The following TRAP1 variants were observed in gnomAD, a reference collection of about 807,000 sequenced individuals.
TRAP1 encodes the protein TNF receptor associated protein 1.
Under a neutral mutation model 89.1 loss-of-function variants are expected in TRAP1, and 102 were observed. The ratio of observed to expected loss-of-function variants is 1.15; its 90% CI spans 0.98 to 1.35. The LOEUF (loss-of-function observed/expected upper bound fraction) is 1.35. Ranked by LOEUF, TRAP1 falls within the 40% of genes most tolerant of loss-of-function variation. The pLI, the probability that TRAP1 is intolerant of heterozygous loss-of-function variation, is 0.00. For synonymous variants in TRAP1, 508 were observed against 388.0 expected (o/e 1.31, Z -3.64); for missense variants, 1,256 against 945.3 (o/e 1.33, Z -4.31).
chr16:3,713,645 G>C (rs2051560850), intron 1 of TRAP1, among the ~76,000 whole-genome samples: 1 of 152,188 alleles, frequency 6.6e-6, no homozygotes, highest in South Asian at 2.1e-4. Flanking sequence ...CGGCACCCTT[G>C]GTGATTGTGG....
At chr16:3,688,065 C>G (rs949475930) in intron 3 of TRAP1, among the ~76,000 whole-genome samples, 1 of 152,270 alleles carries the variant, frequency 6.6e-6, no homozygotes, top group African/African-American at 2.4e-5. Flanking sequence ...GCTTTACAAA[C>G]TTTCTTCAGG....
At chr16:3,696,286 CGA>C (rs1169059408) in intron 1 of TRAP1, among the ~76,000 whole-genome samples, 2 of 152,100 alleles carry the variant, frequency 1.3e-5, no homozygotes, top group Non-Finnish European at 2.9e-5. Flanking sequence ...TGCAGAAGGA[CGA>C]GAAAGGACGG....
chr16:3,688,930 C>T, intron 3 of TRAP1, 125 bp downstream of exon 3: 1 of 809,224 alleles, frequency 1.2e-6, no homozygotes. Flanking sequence ...AAGATGAGGA[C>T]CTGTCCAAAG....
At chr16:3,691,999 C>A (rs2051220888) in intron 1 of TRAP1, among the ~76,000 whole-genome samples, 2 of 152,158 alleles carry the variant, frequency 1.3e-5, no homozygotes, top group African/African-American at 4.8e-5. Flanking sequence ...CACTCCAACA[C>A]AGGACTGGAC....
chr16:3,694,429 T>C (rs532004950), intron 1 of TRAP1, among the ~76,000 whole-genome samples: 197 of 152,182 alleles, frequency 1.3e-3, no homozygotes, highest in Non-Finnish European at 1.7e-3. Context: ...CTGCAACCTC[T>C]GCCTCCTGGG....
In TRAP1 at chr16:3,679,677, C is replaced by G. The variant is rs113653302; in HGVS notation, c.543+42G>C. On this transcript the variant is annotated intron_variant, in intron 5 of 17. Transcript: ENST00000246957. ...ACCCCTACTGGAGGGATCCTTGCAC[C>G]CTGAGGGGAAGGGGGAGGCTGTGTG... The G allele has an allele frequency of 1.6e-4, 262 of 1,609,898 alleles. 1 individual carries two copies. The African/African-American group carries it at 2.0e-3, about 13-fold the overall frequency.
intron 1 of TRAP1, among the ~76,000 whole-genome samples, chr16:3,706,965 C>T (rs908293214): frequency 2.0e-5 from 3 of 151,986 alleles, no homozygotes; most frequent in South Asian, 2.1e-4. Flanking sequence ...CTGCAGAGGT[C>T]GCACCGTTTT....
chr16:3,717,493 G>A lies in TRAP1; in HGVS notation c.16C>T (p.Arg6Trp), dbSNP rs1321452580. The A allele has an allele frequency of 6.7e-6, 9 of 1,344,530 alleles. No individual in the cohort carries two copies. In the East Asian group the frequency reaches 1.3e-4, roughly 20 times the overall value. 83.3% of individuals were successfully genotyped at this position (1,344,530 alleles called of 1,614,324 possible). MAREL[R>W]ALLLWGRRLR... ...CGGCGGCCCCACAGCAGCAGCGCCC[G>A]CAGCTCGCGCGCCATGTCGTACTCC... is the stretch of plus-strand genomic sequence containing the variant. The change falls in exon 1 of 18, where the codon CGG (arginine) becomes TGG (tryptophan). Residue 6 changes from arginine to tryptophan, a missense_variant. Arg to Trp is a moderately radical substitution (Grantham distance 101). Coordinates refer to ENST00000246957, the MANE Select transcript of TRAP1 (RefSeq NM_016292.3).
Position 3,676,165 on chromosome 16 carries a change from G to T in TRAP1, c.705-20C>A. The T allele has an allele frequency of 6.2e-7, 1 of 1,608,898 alleles. No homozygotes were observed. On this transcript the variant is annotated intron_variant, in intron 6 of 17. Coordinates refer to ENST00000246957, the MANE Select transcript of TRAP1 (RefSeq NM_016292.3). ...CCAGAACTAAGGCAGGCAAAGAAAG[G>T]AAAAGCCAGGTGGATGTGACACTGG... is the stretch of plus-strand genomic sequence containing the variant.
chr16:3,671,765 G>A lies in TRAP1; in HGVS notation c.1192C>T (p.Leu398=). The change falls in exon 11 of 18, where the codon CTG becomes TTG. Residue 398 remains leucine, a synonymous_variant. Coordinates refer to ENST00000246957, the MANE Select transcript of TRAP1 (RefSeq NM_016292.3). ...TGCAGCAGCTCCCGGCTGAGGTTCA[G>A]GGGAATGTCCTCACTGTCCACCACA... The part of the protein sequence containing the change: ...RGVVDSEDIP[L]NLSRELLQES... The A allele has an allele frequency of 6.2e-7, 1 of 1,613,216 alleles. No individual in the cohort carries two copies. Among genetic ancestry groups the A allele is most frequent in the South Asian group, 1.1e-5 (1 of 91,088 alleles).
intron 11 of TRAP1, 82 bp downstream of exon 11, chr16:3,671,638 CCA>C: frequency 6.8e-7 from 1 of 1,469,878 alleles, no homozygotes; most frequent in Non-Finnish European, 9.3e-7. Flanking sequence ...GCTCCATGGG[CCA>C]CGGCTAGGGC....
At chr16:3,695,249 T>G (rs1031832819) in intron 1 of TRAP1, among the ~76,000 whole-genome samples, 1 of 152,018 alleles carries the variant, frequency 6.6e-6, no homozygotes, top group Non-Finnish European at 1.5e-5. Flanking sequence ...AACCAGCATA[T>G]GTACAGAGAA....
intron 11 of TRAP1, among the ~76,000 whole-genome samples, chr16:3,669,336 C>T (rs957437958): frequency 6.6e-6 from 1 of 152,170 alleles, no homozygotes; most frequent in African/African-American, 2.4e-5. Flanking sequence ...AACTGCTGCC[C>T]TGTGGTCATG....
At chr16:3,713,611 C>G (rs967982983) in intron 1 of TRAP1, among the ~76,000 whole-genome samples, 1 of 152,256 alleles carries the variant, frequency 6.6e-6, no homozygotes, top group Non-Finnish European at 1.5e-5. Flanking sequence ...ACAAGAGCAT[C>G]TGGCATGACC....
intron 3 of TRAP1, among the ~76,000 whole-genome samples, chr16:3,686,694 G>C (rs2051143071): frequency 1.3e-5 from 2 of 152,160 alleles, no homozygotes; most frequent in South Asian, 4.1e-4. Context: ...CCTCTGGCTG[G>C]GGTTGGGGGC....
chr16:3,670,861 A>G (rs1369742869), intron 11 of TRAP1, among the ~76,000 whole-genome samples: 1 of 151,974 alleles, frequency 6.6e-6, no homozygotes, highest in African/African-American at 2.4e-5. Context: ...CACACTGCCC[A>G]CCATCTCCCC....
At chr16:3,663,587 A>C in intron 13 of TRAP1, 25 bp from the exon 14 acceptor site, 1 of 1,612,770 alleles carries the variant, frequency 6.2e-7, no homozygotes, top group Non-Finnish European at 8.5e-7. Context: ...GAGCAGCTCC[A>C]TCAGACCCCG....
At position 3,674,465 on chromosome 16, in the gene TRAP1, G is replaced by T; in HGVS notation, c.918C>A (p.Val306=). 1 of 1,614,024 alleles carries T rather than the reference G, an allele frequency of 6.2e-7. No homozygotes were observed. The highest frequency in any genetic ancestry group is 8.5e-7 in the Non-Finnish European group (1 of 1,180,016). The change falls in exon 9 of 18, where the codon GTC becomes GTA. Residue 306 remains valine, a synonymous_variant. Transcript: ENST00000246957. ...QAIWMMDPKD[V]REWQHEEFYR... ...AGAACTCCTCATGTTGCCACTCACG[G>T]ACATCCTTGGGGTCCATCATCCAGA...
chr16:3,681,031 C>A (rs1783244343), intron 4 of TRAP1, among the ~76,000 whole-genome samples: 1 of 152,170 alleles, frequency 6.6e-6, no homozygotes, highest in Non-Finnish European at 1.5e-5. Flanking sequence ...CAAGGCCTTA[C>A]TGACCATGGG....
Sources: gnomAD v4.1 joint callset for allele counts (sites outside exome capture counted in the v4.1 genomes callset) on GRCh38, gnomAD v4.1.1 for gene constraint, MANE v1.5 for transcripts, NCBI Gene and HGNC (gene_info 2026-07-23, HGNC 2026-07-21) for gene names.